JAZF1: variants seen among roughly 807,000 people sequenced by gnomAD.
JAZF1 encodes juxtaposed with another zinc finger protein 1.
JAZF1 carries 8 observed loss-of-function variants against 26.4 expected under a neutral mutation model. The ratio of observed to expected loss-of-function variants is 0.30; its 90% CI spans 0.18 to 0.55. The LOEUF is 0.55. Ranked by LOEUF, JAZF1 falls within the 20% of genes least tolerant of loss-of-function variation. JAZF1 has a pLI of 0.94. For missense variants in JAZF1, 199 were observed against 322.0 expected (o/e 0.62, Z 2.92); for synonymous variants, 126 against 122.3 (o/e 1.03, Z -0.20).
intron 2 of JAZF1, among the ~76,000 whole-genome samples, chr7:27,895,961 G>A (rs893885818): frequency 2.0e-5 from 3 of 152,016 alleles, no homozygotes; most frequent in African/African-American, 7.3e-5. Context: ...GGCTAATTGA[G>A]TCCTTGCTTC....
At chr7:27,875,152 C>T (rs1168609124) in intron 3 of JAZF1, among the ~76,000 whole-genome samples, 2 of 152,300 alleles carry the variant, frequency 1.3e-5, no homozygotes, top group East Asian at 3.9e-4. Context: ...TGTCTCCCAT[C>T]CGTGCAAGAA....
intron 2 of JAZF1, among the ~76,000 whole-genome samples, chr7:27,990,452 A>G (rs957009061): frequency 6.6e-6 from 1 of 151,954 alleles, no homozygotes; most frequent in Non-Finnish European, 1.5e-5. Flanking sequence ...AGGAACTCCT[A>G]TATAATTAGT....
intron 2 of JAZF1, among the ~76,000 whole-genome samples, chr7:27,942,972 A>C (rs1400215822): frequency 1.3e-5 from 2 of 152,164 alleles, no homozygotes; most frequent in Non-Finnish European, 2.9e-5. Context: ...CTTGAGTGGT[A>C]ATTTATGGGG....
chr7:27,855,070 T>C (rs1029223385), intron 3 of JAZF1, among the ~76,000 whole-genome samples: 2 of 152,190 alleles, frequency 1.3e-5, no homozygotes, highest in African/African-American at 4.8e-5. Context: ...CTTTTCATTC[T>C]CTTTTCTCTA....
At position 27,878,698 on chromosome 7, in the gene JAZF1, A is replaced by C. The variant is rs1169578437; in HGVS notation, c.385+16522T>G. ...AATTTAGGAGTGTTAAGGAATGACA[A>C]CTTCCATAATGAAGCCATTGCCTCA... is the stretch of plus-strand genomic sequence containing the variant. On this transcript the variant is annotated intron_variant, in intron 3 of 4. Coordinates refer to ENST00000283928, the MANE Select transcript of JAZF1 (RefSeq NM_175061.4). 4.6e-5 allele frequency among the ~76,000 whole-genome samples: 7 copies of C among 152,172 alleles called. No individual in the cohort carries two copies. In the East Asian group the frequency reaches 1.3e-3, roughly 29 times the overall value.
intron 1 of JAZF1, among the ~76,000 whole-genome samples, chr7:28,141,897 G>A (rs1239984116): frequency 6.6e-6 from 1 of 151,848 alleles, no homozygotes; most frequent in East Asian, 1.9e-4. Context: ...ACTTGTTACT[G>A]GTCAATATTA....
chr7:28,099,909 G>A (rs1339991047), intron 1 of JAZF1, among the ~76,000 whole-genome samples: 1 of 152,234 alleles, frequency 6.6e-6, no homozygotes, highest in East Asian at 1.9e-4. Context: ...TACTTGGCCT[G>A]CCTCAACACT....
At chr7:28,006,758 T>C (rs1048465936) in intron 1 of JAZF1, among the ~76,000 whole-genome samples, 3 of 152,202 alleles carry the variant, frequency 2.0e-5, no homozygotes, top group Non-Finnish European at 4.4e-5. Flanking sequence ...CATTTGCTGC[T>C]TCCCCTGAGT....
chr7:27,898,304 T>TATATATATAC lies in JAZF1; in HGVS notation c.189-2889_189-2888insGTATATATAT, dbSNP rs375859244. ...TCTAACTCATATATATATATATATA[T>TATATATATAC]ACATCGGTTTTTTTTTTTTTTTTTT... On this transcript the variant is annotated intron_variant, in intron 2 of 4. Coordinates refer to ENST00000283928, the MANE Select transcript of JAZF1 (RefSeq NM_175061.4). 2.0e-3 allele frequency among the ~76,000 whole-genome samples: 251 copies of TATATATATAC among 128,668 alleles called. 5 individuals carry two copies. The highest frequency in any genetic ancestry group is 6.0e-3 in the African/African-American group (194 of 32,108). 84.4% of individuals were successfully genotyped at this position (128,668 alleles called of 152,430 possible).
At chr7:28,169,735 T>C (rs1016287531) in intron 1 of JAZF1, among the ~76,000 whole-genome samples, 5 of 152,208 alleles carry the variant, frequency 3.3e-5, no homozygotes, top group African/African-American at 1.2e-4. Flanking sequence ...TCTGCTTATT[T>C]ATGCCTATTA....
At chr7:27,873,126 C>G (rs1330997446) in intron 3 of JAZF1, among the ~76,000 whole-genome samples, 2 of 152,138 alleles carry the variant, frequency 1.3e-5, no homozygotes, top group Non-Finnish European at 2.9e-5. Context: ...GCTTCCACAT[C>G]AAGTCATTTC....
At chr7:27,855,015 G>A (rs930634410) in intron 3 of JAZF1, among the ~76,000 whole-genome samples, 2 of 151,964 alleles carry the variant, frequency 1.3e-5, no homozygotes, top group Non-Finnish European at 2.9e-5. Flanking sequence ...ACATAGGTTC[G>A]GTCATTTCAC....
At chr7:27,836,808 A>G (rs1258286176) in intron 4 of JAZF1, among the ~76,000 whole-genome samples, 1 of 152,220 alleles carries the variant, frequency 6.6e-6, no homozygotes, top group Non-Finnish European at 1.5e-5. Context: ...TTCAGGAAAA[A>G]AAGAATTGCC....
At chr7:28,178,805 G>A (rs1038545768) in intron 1 of JAZF1, among the ~76,000 whole-genome samples, 5 of 152,192 alleles carry the variant, frequency 3.3e-5, no homozygotes, top group Admixed American at 1.3e-4. Flanking sequence ...TTTAGCAGAG[G>A]AAATGGAAGA....
chr7:28,081,089 C>A (rs1401615022), intron 1 of JAZF1, among the ~76,000 whole-genome samples: 1 of 152,116 alleles, frequency 6.6e-6, no homozygotes, highest in Non-Finnish European at 1.5e-5. Context: ...GGGACCAGCA[C>A]AGGAAAGGCA....
At chr7:28,168,332 C>T (rs1173617389) in intron 1 of JAZF1, among the ~76,000 whole-genome samples, 4 of 139,638 alleles carry the variant, frequency 2.9e-5, no homozygotes, top group South Asian at 2.3e-4. Context: ...CAGTGAGCTG[C>T]GACGCGCCAT....
At chr7:28,169,850 G>A (rs1208909620) in intron 1 of JAZF1, among the ~76,000 whole-genome samples, 5 of 152,196 alleles carry the variant, frequency 3.3e-5, no homozygotes, top group Non-Finnish European at 7.3e-5. Context: ...GGAAAATCAG[G>A]CAGCTAAATT....
Position 28,035,325 on chromosome 7 carries a change from A to G in JAZF1, c.116-43344T>C, listed in dbSNP as rs1226387135. Among the ~76,000 whole-genome samples, 654 of 130,228 alleles carry G rather than the reference A, an allele frequency of 5.0e-3. 5 individuals are homozygous for G. The highest frequency in any genetic ancestry group is 0.013 in the Middle Eastern group (3 of 240). The allele number at this position is 130,228 out of a possible 152,430, so 85.4% of individuals were successfully genotyped here. ...TGAGACTCCATCTCAAAAAAAAAAA[A>G]AAAAAAAAAAAAAAAAAAGAAAGAA... On this transcript the variant is annotated intron_variant, in intron 1 of 4. Coordinates refer to ENST00000283928, the MANE Select transcript of JAZF1 (RefSeq NM_175061.4).
In JAZF1 at chr7:27,832,743, GT is replaced by G. The variant is rs1272977414; in HGVS notation, c.*56del. On this transcript the variant is annotated 3_prime_UTR_variant, in exon 5 of 5. Transcript: ENST00000283928. ...ATGCTTCCCCTGAAAAAAGGTGGCT[GT>G]TTTCAAAATCAGCAACTGCTGGTGA... 2.2e-6 allele frequency: 3 copies of G among 1,374,224 alleles called. No individual in the cohort carries two copies. Among genetic ancestry groups the G allele is most frequent in the Non-Finnish European group, 2.9e-6 (3 of 1,037,392 alleles). 85.1% of individuals were successfully genotyped at this position (1,374,224 alleles called of 1,614,324 possible). A position where few individuals can be genotyped will look rare whatever the true frequency, so the allele number is the denominator to read the frequency against.
Sources: gnomAD v4.1 joint callset for allele counts (sites outside exome capture counted in the v4.1 genomes callset) on GRCh38, gnomAD v4.1.1 for gene constraint, MANE v1.5 for transcripts, NCBI Gene and HGNC (gene_info 2026-07-23, HGNC 2026-07-21) for gene names.